CYYR1: variants seen among roughly 807,000 people sequenced by gnomAD.
The protein encoded by CYYR1 is cysteine and tyrosine-rich protein 1.
In CYYR1, 14 loss-of-function variants were observed where a neutral mutation model predicts 15.2. The ratio of observed to expected loss-of-function variants is 0.92; its 90% CI spans 0.61 to 1.44. The LOEUF is 1.44. CYYR1 is among the 40% of genes most tolerant of loss of function. The pLI, the probability that CYYR1 is intolerant of heterozygous loss-of-function variation, is 0.00. For synonymous variants in CYYR1, 80 were observed against 77.4 expected (o/e 1.03, Z -0.18); for missense variants, 228 against 209.5 (o/e 1.09, Z -0.54).
intron 3 of CYYR1, among the ~76,000 whole-genome samples, chr21:26,476,846 A>G (rs2065112069): frequency 6.6e-6 from 1 of 152,286 alleles, no homozygotes; most frequent in East Asian, 1.9e-4. Context: ...AAGGGTTAAT[A>G]TGATCACTTT....
chr21:26,505,069 A>G (rs527871569), intron 2 of CYYR1, among the ~76,000 whole-genome samples: 2 of 152,370 alleles, frequency 1.3e-5, no homozygotes, highest in South Asian at 4.1e-4. Context: ...TGGTTAAAAT[A>G]TTTTAAAAAT....
intron 2 of CYYR1, among the ~76,000 whole-genome samples, chr21:26,487,683 T>A (rs1291770960): frequency 2.0e-5 from 3 of 152,150 alleles, no homozygotes; most frequent in Non-Finnish European, 4.4e-5. Context: ...TCATTTTCAA[T>A]ATTAACAGTA....
chr21:26,480,128 T>A, intron 3 of CYYR1, 144 bp downstream of exon 3: 1 of 801,594 alleles, frequency 1.2e-6, no homozygotes, highest in Non-Finnish European at 1.9e-6. Context: ...TTGATTCAGC[T>A]AGAACTTCAA....
intron 2 of CYYR1, among the ~76,000 whole-genome samples, chr21:26,525,999 A>G (rs2065859225): frequency 1.2e-5 from 1 of 84,844 alleles, no homozygotes; most frequent in Non-Finnish European, 2.5e-5. Context: ...GGAACAATGG[A>G]CACTGGGGGC....
chr21:26,572,810 C>G, intron 1 of CYYR1, 58 bp downstream of exon 1: 1 of 1,598,654 alleles, frequency 6.3e-7, no homozygotes, highest in South Asian at 1.1e-5. Flanking sequence ...TTAGCCCGGA[C>G]CGTGACCCAA....
At chr21:26,482,204 G>T in intron 2 of CYYR1, 1 of 766,608 alleles carries the variant, frequency 1.3e-6, no homozygotes, top group Non-Finnish European at 1.6e-6. Flanking sequence ...TTTGCTATCT[G>T]CTGAGCCAAG....
intron 2 of CYYR1, among the ~76,000 whole-genome samples, chr21:26,493,518 A>T (rs867494091): frequency 3.3e-5 from 5 of 152,310 alleles, no homozygotes; most frequent in Middle Eastern, 3.4e-3. Flanking sequence ...CTCCTAAAGG[A>T]CTATTACAAC....
At chr21:26,505,747 G>A (rs1267638990) in intron 2 of CYYR1, among the ~76,000 whole-genome samples, 6 of 152,172 alleles carry the variant, frequency 3.9e-5, no homozygotes, top group Non-Finnish European at 5.9e-5. Flanking sequence ...GGAAGTTATT[G>A]TTTACATAAC....
intron 2 of CYYR1, among the ~76,000 whole-genome samples, chr21:26,524,123 C>T (rs922191111): frequency 6.6e-6 from 1 of 152,166 alleles, no homozygotes; most frequent in African/African-American, 2.4e-5. Context: ...GTGGCCTATA[C>T]TTGCTACATT....
intron 3 of CYYR1, chr21:26,477,682 C>T (rs2123389106): frequency 2.2e-6 from 2 of 905,992 alleles, no homozygotes; most frequent in Non-Finnish European, 2.6e-6. Context: ...TTCAATTAAA[C>T]TTTTTTGATC....
chr21:26,538,645 A>G (rs1157309523), intron 2 of CYYR1, among the ~76,000 whole-genome samples: 1 of 152,178 alleles, frequency 6.6e-6, no homozygotes, highest in Non-Finnish European at 1.5e-5. Flanking sequence ...GTCATATATA[A>G]AAGTGAGACT....
At chr21:26,501,384 T>C (rs1473685518) in intron 2 of CYYR1, among the ~76,000 whole-genome samples, 2 of 152,182 alleles carry the variant, frequency 1.3e-5, no homozygotes, top group Non-Finnish European at 2.9e-5. Flanking sequence ...CTGTTCTGAA[T>C]AGATGCTTCC....
chr21:26,478,803 G>A (rs1489773525), intron 3 of CYYR1, among the ~76,000 whole-genome samples: 2 of 152,110 alleles, frequency 1.3e-5, no homozygotes. Context: ...TTCTCACTGT[G>A]AGAAGTAGTC....
chr21:26,515,302 T>G (rs553181197), intron 2 of CYYR1, among the ~76,000 whole-genome samples: 1 of 152,230 alleles, frequency 6.6e-6, no homozygotes, highest in Non-Finnish European at 1.5e-5. Flanking sequence ...CCTTGTCTCC[T>G]CCATATTACA....
At chr21:26,479,226 G>T (rs1293123479) in intron 3 of CYYR1, among the ~76,000 whole-genome samples, 2 of 151,562 alleles carry the variant, frequency 1.3e-5, no homozygotes, top group Non-Finnish European at 2.9e-5. Context: ...AAGAAGAACT[G>T]GCCAAAGAGG....
chr21:26,491,754 T>G (rs2065331972), intron 2 of CYYR1, among the ~76,000 whole-genome samples: 1 of 152,130 alleles, frequency 6.6e-6, no homozygotes, highest in Admixed American at 6.6e-5. Flanking sequence ...TAACCCAGTG[T>G]CTTCTCCTGT....
chr21:26,526,757 C>T (rs1327513904), intron 2 of CYYR1, among the ~76,000 whole-genome samples: 2 of 152,176 alleles, frequency 1.3e-5, no homozygotes, highest in Non-Finnish European at 2.9e-5. Flanking sequence ...AGCTAAGTGA[C>T]TTTGTGAACA....
intron 2 of CYYR1, among the ~76,000 whole-genome samples, chr21:26,481,948 T>C (rs1278874465): frequency 2.0e-5 from 3 of 152,094 alleles, no homozygotes; most frequent in Non-Finnish European, 4.4e-5. Context: ...GATGATCTTG[T>C]AAATGTGAAA....
intron 2 of CYYR1, among the ~76,000 whole-genome samples, chr21:26,508,781 G>T (rs1320941837): frequency 6.6e-6 from 1 of 151,914 alleles, no homozygotes; most frequent in Admixed American, 6.6e-5. Context: ...ATCCTTGCAA[G>T]GATCTATTTG....
Sources: gnomAD v4.1 joint callset for allele counts (sites outside exome capture counted in the v4.1 genomes callset) on GRCh38, gnomAD v4.1.1 for gene constraint, MANE v1.5 for transcripts, NCBI Gene and HGNC (gene_info 2026-07-23, HGNC 2026-07-21) for gene names.